TNFRSF11A: variants seen among roughly 807,000 people sequenced by gnomAD.
TNFRSF11A encodes tumor necrosis factor receptor superfamily member 11A.
TNFRSF11A carries 32 observed loss-of-function variants against 55.7 expected under a neutral mutation model. The observed-to-expected ratio is 0.57, with a 90% CI of 0.43 to 0.77. The LOEUF (loss-of-function observed/expected upper bound fraction) is 0.77, where lower values mean the gene tolerates loss of function less well. Among genes scored for constraint, TNFRSF11A ranks in the 30% least tolerant of loss-of-function variants. The pLI is 0.00. For missense variants in TNFRSF11A, 753 were observed against 809.8 expected (o/e 0.93, Z 0.85); for synonymous variants, 311 against 331.0 (o/e 0.94, Z 0.65).
Position 62,325,320 on chromosome 18 carries a change from G to A in TNFRSF11A, c.-33G>A, listed in dbSNP as rs1364024250. ...CGCCCGCTGGGCCACAGAGGCCGCT[G>A]AGGCCGCGGCGCCCGCCAGCCTGTC... On this transcript the variant is annotated 5_prime_UTR_variant, in exon 1 of 10. Coordinates refer to ENST00000586569, the MANE Select transcript of TNFRSF11A (RefSeq NM_003839.4). This position sits in a 1 kb window ranked among gnomAD's most constrained non-coding sequence, Gnocchi z 4.7. 7.1e-6 allele frequency: 7 copies of A among 992,378 alleles called. No homozygotes were observed. Among genetic ancestry groups the A allele is most frequent in the Admixed American group, 5.5e-5 (1 of 18,054 alleles). 61.5% of individuals were successfully genotyped at this position (992,378 alleles called of 1,614,324 possible). A position where few individuals can be genotyped will look rare whatever the true frequency, so the allele number is the denominator to read the frequency against.
At chr18:62,380,397 T>G (rs1911187876) in intron 9 of TNFRSF11A, among the ~76,000 whole-genome samples, 3 of 152,298 alleles carry the variant, frequency 2.0e-5, no homozygotes, top group Admixed American at 2.0e-4. Flanking sequence ...CTCCTAAATC[T>G]TTCTAGGTAA....
At chr18:62,384,028 T>G (rs1182614034) in intron 9 of TNFRSF11A, among the ~76,000 whole-genome samples, 1 of 151,202 alleles carries the variant, frequency 6.6e-6, no homozygotes, top group Non-Finnish European at 1.5e-5. Context: ...CTTCCTTAGC[T>G]GTGCTTGTTC....
chr18:62,351,095 C>T (rs71352570), intron 3 of TNFRSF11A, among the ~76,000 whole-genome samples: 1 of 151,388 alleles, frequency 6.6e-6, no homozygotes, highest in Middle Eastern at 3.4e-3. Context: ...CACTCCCTCC[C>T]GGGTTTAAGC....
At chr18:62,335,776 G>A (rs2046224094) in intron 1 of TNFRSF11A, among the ~76,000 whole-genome samples, 1 of 152,204 alleles carries the variant, frequency 6.6e-6, no homozygotes, top group South Asian at 2.1e-4. Context: ...GGCGTGCTTG[G>A]GAGTGTGAAT....
At chr18:62,363,589 G>A (rs1482962918) in intron 7 of TNFRSF11A, among the ~76,000 whole-genome samples, 3 of 151,846 alleles carry the variant, frequency 2.0e-5, no homozygotes, top group Non-Finnish European at 4.4e-5. Flanking sequence ...GGCTGGTCTC[G>A]AACTCCTGAC....
chr18:62,329,888 G>GC, intron 1 of TNFRSF11A, among the ~76,000 whole-genome samples: 1 of 152,236 alleles, frequency 6.6e-6, no homozygotes, highest in Admixed American at 6.5e-5. Flanking sequence ...GTGCTCTCAC[G>GC]CCAAGAAGCC....
rs2046054099 is a variant in TNFRSF11A, at chr18:62,325,325, C to G, written c.-28C>G. The G allele has an allele frequency of 2.0e-6, 2 of 996,262 alleles. No individual in the cohort carries two copies. Among genetic ancestry groups the G allele is most frequent in the Admixed American group, 5.5e-5 (1 of 18,118 alleles). The allele number at this position is 996,262 out of a possible 1,614,324, so 61.7% of individuals were successfully genotyped here. Reference sequence around the variant, plus strand: ...GCTGGGCCACAGAGGCCGCTGAGGCCGCGGCGCCCGCCAGCCTGTCCCGCG... The same window carrying G: ...GCTGGGCCACAGAGGCCGCTGAGGCGGCGGCGCCCGCCAGCCTGTCCCGCG... On this transcript the variant is annotated 5_prime_UTR_variant, in exon 1 of 10. Transcript: ENST00000586569. This position sits in a 1 kb window ranked among gnomAD's most constrained non-coding sequence, Gnocchi z 4.7.
chr18:62,342,230 G>A (rs1018222482), intron 1 of TNFRSF11A, among the ~76,000 whole-genome samples: 3 of 151,028 alleles, frequency 2.0e-5, no homozygotes, highest in East Asian at 3.9e-4. Context: ...GTGAAACCCC[G>A]TGTCTACCAA....
intron 1 of TNFRSF11A, among the ~76,000 whole-genome samples, chr18:62,342,426 T>A (rs1344365543): frequency 3.0e-3 from 207 of 68,952 alleles, no homozygotes; most frequent in Non-Finnish European, 5.5e-3. Flanking sequence ...AAAAAAAAAA[T>A]CCTATATTCT....
intron 1 of TNFRSF11A, among the ~76,000 whole-genome samples, chr18:62,330,302 T>C (rs1376110375): frequency 6.6e-6 from 1 of 152,194 alleles, no homozygotes; most frequent in Non-Finnish European, 1.5e-5. Context: ...CAGAGAGGAC[T>C]TCCCATCCTT....
intron 1 of TNFRSF11A, among the ~76,000 whole-genome samples, chr18:62,342,642 A>T (rs976959190): frequency 3.3e-5 from 5 of 152,150 alleles, no homozygotes; most frequent in African/African-American, 1.2e-4. Context: ...AAATAGAGAT[A>T]AATTTAGCTG....
At chr18:62,377,112 T>A (rs549257568) in intron 9 of TNFRSF11A, among the ~76,000 whole-genome samples, 1 of 152,300 alleles carries the variant, frequency 6.6e-6, no homozygotes, top group South Asian at 2.1e-4. Flanking sequence ...AGACGGGGTT[T>A]CACTGTGTTA....
In TNFRSF11A at chr18:62,325,814, G is replaced by T. The variant is rs1169105846; in HGVS notation, c.75+387G>T. Among the ~76,000 whole-genome samples the T allele has an allele frequency of 6.6e-6, 1 of 152,244 alleles. No homozygotes were observed. Among genetic ancestry groups the T allele is most frequent in the Non-Finnish European group, 1.5e-5 (1 of 68,032 alleles). On this transcript the variant is annotated intron_variant, in intron 1 of 9. Coordinates refer to ENST00000586569, the MANE Select transcript of TNFRSF11A (RefSeq NM_003839.4). The surrounding 1 kb of genome is among the most constrained non-coding windows in gnomAD (Gnocchi z 4.7). ...GGCACCTCACTTGCGGCAGATAACC[G>T]TTCCCGATACGATTTCTCCCGGGTG...
chr18:62,353,664 TC>T (rs923227666), intron 3 of TNFRSF11A, among the ~76,000 whole-genome samples: 3 of 152,280 alleles, frequency 2.0e-5, no homozygotes, highest in African/African-American at 7.2e-5. Context: ...TATTGATTGA[TC>T]AATAATTTGA....
At position 62,368,850 on chromosome 18, in the gene TNFRSF11A, A is replaced by G. The variant is rs8092336; in HGVS notation, c.933A>G (p.Thr311=). 0.94 allele frequency: 1,523,809 copies of G among 1,614,226 alleles called. 719,688 individuals are homozygous for G. Among genetic ancestry groups the G allele is most frequent in the East Asian group, 1 (44,877 of 44,882 alleles). The part of the protein sequence containing the change: ...YPDQGGVCQG[T]CVGGGPYAQG... The stretch of plus-strand genomic sequence containing the variant: ...ATCAAGGTGGTGTCTGTCAGGGCAC[A>G]TGTGTAGGAGGTGGTCCCTACGCAC... Residue 311 remains threonine, a synonymous_variant, in exon 9 of 10, where the codon ACA becomes ACG. Transcript: ENST00000586569.
chr18:62,387,731 A>G lies in TNFRSF11A; in HGVS notation c.*2697A>G, dbSNP rs1179925409. On this transcript the variant is annotated 3_prime_UTR_variant, in exon 10 of 10. Transcript: ENST00000586569. ...GTCGGAAGGAAGAATGAATTTCTCA[A>G]GAGCAGTTTGAATGTGTTAGATCAG... 2.0e-5 allele frequency: 3 copies of G among 152,262 alleles called. No individual in the cohort carries two copies. Among genetic ancestry groups the G allele is most frequent in the African/African-American group, 7.2e-5 (3 of 41,462 alleles). 9.4% of individuals were successfully genotyped at this position (152,262 alleles called of 1,614,324 possible).
rs35838037 is a variant in TNFRSF11A, at chr18:62,353,712, C to CGTGT, written c.284-664_284-661dup. 8.0e-3 allele frequency among the ~76,000 whole-genome samples: 1,214 copies of CGTGT among 151,116 alleles called. 11 individuals are homozygous for CGTGT. Among genetic ancestry groups the CGTGT allele is most frequent in the African/African-American group, 0.022 (899 of 41,234 alleles). ...GTGTGTATGTAGTTTATAACAGATA[C>CGTGT]GTGTGTGTGTGTGTGTGTAGTTTAC... On this transcript the variant is annotated intron_variant, in intron 3 of 9. Transcript: ENST00000586569.
At chr18:62,329,742 A>G (rs1256918483) in intron 1 of TNFRSF11A, among the ~76,000 whole-genome samples, 1 of 151,910 alleles carries the variant, frequency 6.6e-6, no homozygotes, top group Non-Finnish European at 1.5e-5. Flanking sequence ...TCTGAGAGAC[A>G]CTCTATTTCC....
intron 1 of TNFRSF11A, among the ~76,000 whole-genome samples, chr18:62,327,119 T>C (rs1315290017): frequency 6.6e-6 from 1 of 152,110 alleles, no homozygotes; most frequent in Non-Finnish European, 1.5e-5. Context: ...ATAAAAATGG[T>C]CTCTGACCAG....
Sources: allele counts gnomAD v4.1 joint callset (sites outside exome capture counted in the v4.1 genomes callset), GRCh38; gene constraint gnomAD v4.1.1; non-coding constraint Gnocchi (gnomAD v3.1); transcripts MANE v1.5; gene names NCBI Gene and HGNC (gene_info 2026-07-23, HGNC 2026-07-21).